The following CYP4F22 variants were observed in gnomAD, a reference collection of about 807,000 sequenced individuals.
CYP4F22 encodes the protein cytochrome P450 family 4 subfamily F member 22.
In CYP4F22, 37 loss-of-function variants were observed where a neutral mutation model predicts 60.4. That is an observed-to-expected ratio of 0.61 (90% CI 0.47 to 0.81). The LOEUF is 0.81. CYP4F22 is among the 30% of genes least tolerant of loss of function. The pLI, the probability that CYP4F22 is intolerant of heterozygous loss-of-function variation, is 0.00. For missense variants in CYP4F22, 655 were observed against 715.0 expected (o/e 0.92, Z 0.96); for synonymous variants, 258 against 280.5 (o/e 0.92, Z 0.80).
At position 15,508,554 on chromosome 19, in the gene CYP4F22, G is replaced by C. The variant is rs926336623; in HGVS notation, c.-138G>C. 3 of 152,492 alleles carry C rather than the reference G, an allele frequency of 2.0e-5. No homozygotes were observed. Among genetic ancestry groups the C allele is most frequent in the Admixed American group, 2.0e-4 (3 of 15,288 alleles). The allele number at this position is 152,492 out of a possible 1,614,324, so 9.4% of individuals were successfully genotyped here. ...CCCAGGTAGTGGCGCCGGTGGATCC[G>C]GATCGAGGGCAGGAGGCTGAGACCC... On this transcript the variant is annotated 5_prime_UTR_variant, in exon 1 of 14. Transcript: ENST00000269703.
intron 2 of CYP4F22, among the ~76,000 whole-genome samples, chr19:15,524,254 C>A (rs1014403821): frequency 2.6e-5 from 4 of 152,088 alleles, no homozygotes; most frequent in Non-Finnish European, 4.4e-5. Flanking sequence ...ATACTTAAAT[C>A]CATAGAGACA....
At chr19:15,527,195 G>A (rs78554596) in intron 3 of CYP4F22, among the ~76,000 whole-genome samples, 2,336 of 151,942 alleles carry the variant, frequency 0.015, 57 homozygotes, top group African/African-American at 0.053. Flanking sequence ...CCTTCGGTCC[G>A]TCTCCCATCC....
intron 10 of CYP4F22, among the ~76,000 whole-genome samples, chr19:15,547,017 A>ATTTTTTTTTTT: frequency 2.8e-5 from 1 of 36,256 alleles, no homozygotes; most frequent in African/African-American, 1.4e-4. Flanking sequence ...GGCCTGCACC[A>ATTTTTTTTTTT]GTTTTTTTTT....
rs747372231 is a variant in CYP4F22, at chr19:15,550,720, C to T, written c.1382C>T (p.Ser461Phe). 2 of 1,614,220 alleles carry T rather than the reference C, an allele frequency of 1.2e-6. No homozygotes were observed. Among genetic ancestry groups the T allele is most frequent in the South Asian group, 1.1e-5 (1 of 91,090 alleles). The stretch of plus-strand genomic sequence containing the variant: ...GACCCGGACAACCCACAGCAGCGCT[C>T]TCCACTGGCCTATGTGCCCTTCTCT... ...RFDPDNPQQR[S>F]PLAYVPFSAG... Residue 461 changes from serine to phenylalanine, a missense_variant, in exon 13 of 14, where the codon TCT (serine) becomes TTT (phenylalanine). Ser to Phe is a radical substitution (Grantham distance 155, BLOSUM62 -2). This residue lies in a region of CYP4F22 where 151 missense variants were observed against 139.4 expected (regional missense o/e 1.08). Transcript: ENST00000269703.
At position 15,521,012 on chromosome 19, in the gene CYP4F22, C is replaced by T. The variant is rs560444261; in HGVS notation, c.-108-2681C>T. Among the ~76,000 whole-genome samples the T allele has an allele frequency of 7.2e-5, 11 of 151,998 alleles. 1 individual carries two copies. Among genetic ancestry groups the T allele is most frequent in the African/African-American group, 2.7e-4 (11 of 41,476 alleles). On this transcript the variant is annotated intron_variant, in intron 1 of 13. Coordinates refer to ENST00000269703, the MANE Select transcript of CYP4F22 (RefSeq NM_173483.4). The stretch of plus-strand genomic sequence containing the variant: ...TCGATTTCCTGACCTCATGATCTGC[C>T]TGCCTTGGCCTCCCAAAGTGCTGGG...
chr19:15,524,739 G>A (rs1343341735), intron 2 of CYP4F22, among the ~76,000 whole-genome samples: 1 of 152,130 alleles, frequency 6.6e-6, no homozygotes, highest in Admixed American at 6.6e-5. Flanking sequence ...ACTAGATGGA[G>A]GTGGTAGTTG....
chr19:15,527,562 G>T (rs1201885954), intron 3 of CYP4F22, among the ~76,000 whole-genome samples: 1 of 152,212 alleles, frequency 6.6e-6, no homozygotes, highest in African/African-American at 2.4e-5. Context: ...CTAGTGCCTG[G>T]AGGAGTTGGC....
At chr19:15,525,777 A>G (rs1971276660) in intron 3 of CYP4F22, among the ~76,000 whole-genome samples, 1 of 152,148 alleles carries the variant, frequency 6.6e-6, no homozygotes, top group Non-Finnish European at 1.5e-5. Context: ...TTAAAGATGA[A>G]TTATTTTGGG....
chr19:15,509,283 C>G (rs553154217), intron 1 of CYP4F22, among the ~76,000 whole-genome samples: 1 of 152,280 alleles, frequency 6.6e-6, no homozygotes, highest in African/African-American at 2.4e-5. Context: ...TTGGCCGAGG[C>G]TGGCCACCTG....
intron 1 of CYP4F22, among the ~76,000 whole-genome samples, chr19:15,511,924 A>G (rs975395318): frequency 6.6e-6 from 1 of 152,086 alleles, no homozygotes; most frequent in Non-Finnish European, 1.5e-5. Context: ...TTTCACCACC[A>G]CCAGATAATG....
intron 1 of CYP4F22, among the ~76,000 whole-genome samples, chr19:15,510,052 G>C (rs1188067809): frequency 6.6e-6 from 1 of 151,514 alleles, no homozygotes; most frequent in Non-Finnish European, 1.5e-5. Context: ...CATAATCATA[G>C]CTCACTGCAG....
chr19:15,532,794 A>C (rs2144522255), intron 4 of CYP4F22, among the ~76,000 whole-genome samples: 1 of 152,242 alleles, frequency 6.6e-6, no homozygotes, highest in Middle Eastern at 3.4e-3. Context: ...GTGCCCCAGC[A>C]GGGGCTGTCA....
chr19:15,544,284 G>C lies in CYP4F22; in HGVS notation c.1136+5G>C. 1 of 1,613,376 alleles carries C rather than the reference G, an allele frequency of 6.2e-7. No homozygotes were observed. Among genetic ancestry groups the C allele is most frequent in the Non-Finnish European group, 8.5e-7 (1 of 1,179,866 alleles). On this transcript the variant is annotated splice_donor_5th_base_variant and intron_variant, in intron 10 of 13. Coordinates refer to ENST00000269703, the MANE Select transcript of CYP4F22 (RefSeq NM_173483.4). Reference sequence around the variant, plus strand: ...GGAGCTGGAGGAGCTGGAGTGGTGAGTGTGGGGTCAGGGGAATGGAGGGGG... The same window carrying C: ...GGAGCTGGAGGAGCTGGAGTGGTGACTGTGGGGTCAGGGGAATGGAGGGGG...
intron 8 of CYP4F22, among the ~76,000 whole-genome samples, chr19:15,541,200 C>T (rs1469843279): frequency 6.6e-6 from 1 of 152,198 alleles, no homozygotes; most frequent in African/African-American, 2.4e-5. Context: ...TTACAAAGTA[C>T]CACAAACTAA....
In CYP4F22 at chr19:15,551,310, A is replaced by C. The variant is rs1439340885; in HGVS notation, c.1435A>C (p.Ser479Arg). 1.2e-6 allele frequency: 2 copies of C among 1,613,140 alleles called. No homozygotes were observed. The highest frequency in any genetic ancestry group is 2.2e-5 in the South Asian group (2 of 90,762). Residue 479 changes from serine (S) to arginine (R), a missense_variant, in exon 14 of 14, where the codon AGC (serine) becomes CGC (arginine). By Grantham distance (110) the Ser-to-Arg change is moderately radical. Transcript: ENST00000269703. ...TTCCTCCAGGAATTGCATCGGACAG[A>C]GCTTCGCCATGGCCGAGTTGCGCGT... ...SAGPRNCIGQ[S>R]FAMAELRVVV... is the part of the protein sequence containing the mutation.
chr19:15,511,389 G>A (rs991232588), intron 1 of CYP4F22, among the ~76,000 whole-genome samples: 2 of 151,982 alleles, frequency 1.3e-5, no homozygotes, highest in South Asian at 4.2e-4. Flanking sequence ...AGCCCAGGAC[G>A]GGGAGGTTGC....
intron 7 of CYP4F22, among the ~76,000 whole-genome samples, chr19:15,539,406 C>T (rs964468715): frequency 2.6e-5 from 4 of 152,128 alleles, no homozygotes; most frequent in African/African-American, 9.7e-5. Flanking sequence ...TTCCATTTAC[C>T]ACATAATACC....
chr19:15,548,318 CT>C, intron 11 of CYP4F22, 77 bp downstream of exon 11: 2 of 1,587,770 alleles, frequency 1.3e-6, no homozygotes, highest in Non-Finnish European at 1.7e-6. Flanking sequence ...AGGGGCCTGG[CT>C]ATGCCTGCCC....
chr19:15,546,747 TTTTC>T (rs558445619), intron 10 of CYP4F22, among the ~76,000 whole-genome samples: 4 of 152,088 alleles, frequency 2.6e-5, no homozygotes, highest in African/African-American at 9.7e-5. Flanking sequence ...TTTTTTCTTT[TTTTC>T]TTTCTTTCTT....
Sources: gnomAD v4.1 joint callset for allele counts (sites outside exome capture counted in the v4.1 genomes callset) on GRCh38, gnomAD v4.1.1 for gene constraint, gnomAD v4.1.1 regional missense constraint, MANE v1.5 for transcripts, NCBI Gene and HGNC (gene_info 2026-07-23, HGNC 2026-07-21) for gene names.